The following PDE1A variants were observed in gnomAD, a reference collection of about 807,000 sequenced individuals.
PDE1A encodes the protein phosphodiesterase 1A.
Under a neutral mutation model 61.7 loss-of-function variants are expected in PDE1A, and 35 were observed. The observed-to-expected ratio is 0.57, with a 90% confidence interval of 0.43 to 0.75. PDE1A has a LOEUF of 0.75. Among genes scored for constraint, PDE1A ranks in the 30% least tolerant of loss-of-function variants. The probability of loss-of-function intolerance (pLI) is 0.00; values close to 1 mark genes in which losing one functional copy is unlikely to be tolerated. For missense variants in PDE1A, 597 were observed against 630.6 expected (o/e 0.95, Z 0.57); for synonymous variants, 232 against 213.2 (o/e 1.09, Z -0.77).
chr2:182,147,302 T>A lies in PDE1A; in HGVS notation c.1517-150A>T, dbSNP rs16822739. On this transcript the variant is annotated intron_variant, in intron 13 of 13. Coordinates refer to the PDE1A transcript ENST00000409365. ...CACATTTTTTCAAAGACACCAAACATCTTCCTTTCAGCCTGTGGATCTACA... is the reference window on the plus strand; with the variant it reads ...CACATTTTTTCAAAGACACCAAACAACTTCCTTTCAGCCTGTGGATCTACA... The A allele has an allele frequency of 2.2e-4, 116 of 533,510 alleles. 1 individual carries two copies. In the East Asian group the frequency reaches 2.8e-3, roughly 13 times the overall value. 33.0% of individuals were successfully genotyped at this position (533,510 alleles called of 1,614,324 possible). A position where few individuals can be genotyped will look rare whatever the true frequency, so the allele number is the denominator to read the frequency against.
the PDE1A span, among the ~76,000 whole-genome samples, chr2:182,537,485 C>G: frequency 1.3e-5 from 2 of 151,988 alleles, no homozygotes; most frequent in Non-Finnish European, 2.9e-5. Context: ...ACATCACACA[C>G]TGGGACCTGT....
At chr2:182,163,284 A>G (rs968583609), downstream of PDE1A, among the ~76,000 whole-genome samples, 1 of 152,188 alleles carries the variant, frequency 6.6e-6, no homozygotes, top group Admixed American at 6.6e-5. Flanking sequence ...ATACCTGTCC[A>G]TAAGGCCCAC....
chr2:182,651,651 C>G, the PDE1A span, among the ~76,000 whole-genome samples: 1 of 152,180 alleles, frequency 6.6e-6, no homozygotes, highest in Non-Finnish European at 1.5e-5. Context: ...TCATTTCAGT[C>G]CATAAGTTAC....
chr2:182,358,722 A>C (rs528864286), intron 1 of PDE1A, among the ~76,000 whole-genome samples: 1 of 152,324 alleles, frequency 6.6e-6, no homozygotes, highest in African/African-American at 2.4e-5. Flanking sequence ...AGCAATTTAC[A>C]TACATAAATC....
the PDE1A span, among the ~76,000 whole-genome samples, chr2:182,559,996 T>C: frequency 3.3e-5 from 5 of 150,980 alleles, no homozygotes; most frequent in Non-Finnish European, 5.9e-5. Context: ...AGGTAGTTTG[T>C]GGGGGAAGAG....
chr2:182,683,923 C>G, the PDE1A span, among the ~76,000 whole-genome samples: 2 of 151,788 alleles, frequency 1.3e-5, no homozygotes, highest in Non-Finnish European at 2.9e-5. Flanking sequence ...AGATCGAGAC[C>G]AGCCAGACCA....
chr2:182,410,879 C>G (rs1325233179), intron 1 of PDE1A, among the ~76,000 whole-genome samples: 1 of 152,170 alleles, frequency 6.6e-6, no homozygotes, highest in Non-Finnish European at 1.5e-5. Flanking sequence ...AGTGTCTCCT[C>G]AATGTCACTC....
chr2:182,618,724 AT>A, the PDE1A span, among the ~76,000 whole-genome samples: 2 of 152,236 alleles, frequency 1.3e-5, no homozygotes, highest in Non-Finnish European at 2.9e-5. Context: ...TTCCGGGAAC[AT>A]GAGTCAGTGA....
At chr2:182,322,057 C>T (rs192056912) in intron 1 of PDE1A, among the ~76,000 whole-genome samples, 9 of 152,264 alleles carry the variant, frequency 5.9e-5, no homozygotes, top group Non-Finnish European at 8.8e-5. Context: ...TCCAAAGTCA[C>T]GTTGCACTTT....
In PDE1A at chr2:182,426,709, T is replaced by C. The variant is rs1434222455; in HGVS notation, c.-79A>G. ...GGAAATGTGGAAGCTTATCCTGATC[T>C]ATTGTGCTGCAAGGAGCCCAGAAAG... On this transcript the variant is annotated 5_prime_UTR_variant, in exon 1 of 14. It adds an upstream start codon to the 5' untranslated region. Transcript: ENST00000351439. The C allele has an allele frequency of 6.2e-7, 1 of 1,604,658 alleles. No homozygotes were observed. The highest frequency in any genetic ancestry group is 8.5e-7 in the Non-Finnish European group (1 of 1,176,698).
intron 1 of PDE1A, among the ~76,000 whole-genome samples, chr2:182,395,556 C>T (rs1257570890): frequency 6.6e-6 from 1 of 152,180 alleles, no homozygotes; most frequent in Non-Finnish European, 1.5e-5. Flanking sequence ...CTACAACTAT[C>T]TGGATTTGGG....
chr2:182,590,285 A>G, the PDE1A span, among the ~76,000 whole-genome samples: 1 of 152,098 alleles, frequency 6.6e-6, no homozygotes, highest in Non-Finnish European at 1.5e-5. Context: ...TGAAGAACAA[A>G]GTGAGACCCC....
chr2:182,304,201 C>T (rs987447306), intron 1 of PDE1A, among the ~76,000 whole-genome samples: 1 of 152,106 alleles, frequency 6.6e-6, no homozygotes, highest in Non-Finnish European at 1.5e-5. Flanking sequence ...TTTTCTTAAT[C>T]CTCATAAACC....
chr2:182,652,352 T>C, the PDE1A span, among the ~76,000 whole-genome samples: 3 of 152,194 alleles, frequency 2.0e-5, no homozygotes, highest in African/African-American at 4.8e-5. Context: ...AGATTCCTTC[T>C]GCAGTCTAGA....
At chr2:182,323,641 T>C (rs534420339) in intron 1 of PDE1A, among the ~76,000 whole-genome samples, 7 of 152,282 alleles carry the variant, frequency 4.6e-5, no homozygotes, top group African/African-American at 1.7e-4. Context: ...AAAAAATCCA[T>C]CTTCAGCATT....
chr2:182,359,394 T>C (rs1050310611), intron 1 of PDE1A, among the ~76,000 whole-genome samples: 4 of 152,148 alleles, frequency 2.6e-5, no homozygotes, highest in African/African-American at 7.2e-5. Context: ...ATAGGTTTTA[T>C]TGAGCGACTT....
At chr2:182,309,023 GC>G (rs1320964624) in intron 1 of PDE1A, among the ~76,000 whole-genome samples, 1 of 126,640 alleles carries the variant, frequency 7.9e-6, no homozygotes, top group East Asian at 2.1e-4. Flanking sequence ...CATTAGTCTT[GC>G]TTTAAAAAAA....
the PDE1A span, among the ~76,000 whole-genome samples, chr2:182,542,179 T>C: frequency 6.6e-6 from 1 of 152,150 alleles, no homozygotes; most frequent in African/African-American, 2.4e-5. Flanking sequence ...TATACATCTA[T>C]ACCTATGCGA....
At chr2:182,266,042 A>G (rs1303085097) in intron 1 of PDE1A, among the ~76,000 whole-genome samples, 1 of 152,206 alleles carries the variant, frequency 6.6e-6, no homozygotes, top group Non-Finnish European at 1.5e-5. Context: ...CATAAGCAAT[A>G]GTTCATTTCT....
Sources: allele counts gnomAD v4.1 joint callset (sites outside exome capture counted in the v4.1 genomes callset), GRCh38; gene constraint gnomAD v4.1.1; transcripts MANE v1.5; gene names NCBI Gene and HGNC (gene_info 2026-07-23, HGNC 2026-07-21).